The following SDK2 variants were observed in gnomAD, a reference collection of about 807,000 sequenced individuals.
The protein encoded by SDK2 is sidekick cell adhesion molecule 2.
SDK2 carries 105 observed loss-of-function variants against 253.9 expected under a neutral mutation model. The ratio of observed to expected loss-of-function variants is 0.41; its 90% CI spans 0.35 to 0.49. The LOEUF is 0.49. SDK2 is among the 20% of genes least tolerant of loss of function. SDK2 has a pLI of 0.06. For missense variants in SDK2, 2,608 were observed against 3,003.0 expected (o/e 0.87, Z 3.07); for synonymous variants, 1,249 against 1,234.9 (o/e 1.01, Z -0.24).
chr17:73,558,660 C>T (rs2045181978), intron 1 of SDK2, among the ~76,000 whole-genome samples: 1 of 152,152 alleles, frequency 6.6e-6, no homozygotes, highest in African/African-American at 2.4e-5. Context: ...CTTCATTAGA[C>T]AGATGAAGAA....
chr17:73,616,207 G>C lies in SDK2; in HGVS notation c.64+27818C>G, dbSNP rs953921624. Among the ~76,000 whole-genome samples, 1 of 152,112 alleles carries C rather than the reference G, an allele frequency of 6.6e-6. No individual in the cohort carries two copies. Among genetic ancestry groups the C allele is most frequent in the African/African-American group, 2.4e-5 (1 of 41,398 alleles). On this transcript the variant is annotated intron_variant, in intron 1 of 44. Transcript: ENST00000392650. The surrounding 1 kb of genome is among the most constrained non-coding windows in gnomAD (Gnocchi z 5.2). ...CCACTTGCATGCTACCTTGCAAACT[G>C]ACCTCAGGGCACTGTGAACCTTGTG...
chr17:73,354,503 T>G (rs147586487), intron 40 of SDK2, among the ~76,000 whole-genome samples: 3 of 152,276 alleles, frequency 2.0e-5, no homozygotes, highest in East Asian at 1.9e-4. Context: ...GGGGTCAGCC[T>G]GGCCCTGAGA....
At chr17:73,538,010 G>A (rs2044806680) in intron 1 of SDK2, among the ~76,000 whole-genome samples, 1 of 152,142 alleles carries the variant, frequency 6.6e-6, no homozygotes, top group Admixed American at 6.5e-5. Flanking sequence ...AAGGATGGGT[G>A]GTTTTATTTC....
chr17:73,375,310 T>C (rs28718872), intron 36 of SDK2, among the ~76,000 whole-genome samples: 18,401 of 127,226 alleles, frequency 0.14, 2,151 homozygotes, highest in East Asian at 0.32. Flanking sequence ...GGTGCAACAA[T>C]GGCTCACTGC....
intron 1 of SDK2, among the ~76,000 whole-genome samples, chr17:73,584,801 C>A (rs947388615): frequency 6.6e-6 from 1 of 152,224 alleles, no homozygotes; most frequent in Admixed American, 6.5e-5. Context: ...TGCCTGTGTC[C>A]CTGCAGGGTT....
In SDK2 at chr17:73,643,922, C is replaced by T. The variant is rs1026599155; in HGVS notation, c.64+103G>A. The T allele has an allele frequency of 5.8e-6, 6 of 1,029,250 alleles. No individual in the cohort carries two copies. Among genetic ancestry groups the T allele is most frequent in the South Asian group, 1.4e-5 (1 of 69,604 alleles). The allele number at this position is 1,029,250 out of a possible 1,614,324, so 63.8% of individuals were successfully genotyped here. On this transcript the variant is annotated intron_variant, in intron 1 of 44. Coordinates refer to ENST00000392650, the MANE Select transcript of SDK2 (RefSeq NM_001144952.2). The surrounding 1 kb of genome is among the most constrained non-coding windows in gnomAD (Gnocchi z 6.9). ...GGAGAGGGCTCTGCCACGGCTAAGC[C>T]GGGTGTCCAGGAGGTCACCGTGAGG... is the stretch of plus-strand genomic sequence containing the variant.
chr17:73,574,738 A>G (rs1278805782), intron 1 of SDK2, among the ~76,000 whole-genome samples: 1 of 152,156 alleles, frequency 6.6e-6, no homozygotes, highest in Non-Finnish European at 1.5e-5. Context: ...CCACCTCTCT[A>G]GACACTTTCT....
intron 1 of SDK2, among the ~76,000 whole-genome samples, chr17:73,562,767 G>A (rs753470614): frequency 2.0e-5 from 3 of 152,244 alleles, no homozygotes; most frequent in Admixed American, 6.5e-5. Flanking sequence ...CATTCTGTGC[G>A]GAAGGCGCCA....
At chr17:73,469,992 G>GCGCACACACACACACACA (rs1328450219) in intron 3 of SDK2, among the ~76,000 whole-genome samples, 2 of 126,184 alleles carry the variant, frequency 1.6e-5, no homozygotes, top group East Asian at 5.1e-4. Flanking sequence ...GCGCGCGCGC[G>GCGCACACACACACACACA]CACACACACA....
chr17:73,392,561 G>A (rs1002135013), intron 27 of SDK2, among the ~76,000 whole-genome samples: 2 of 152,120 alleles, frequency 1.3e-5, no homozygotes, highest in Admixed American at 6.6e-5. Context: ...GAGCCACCAC[G>A]CCCAGCCTGA....
chr17:73,440,779 G>C (rs770457247), intron 6 of SDK2, 33 bp downstream of exon 6: 1 of 1,453,862 alleles, frequency 6.9e-7, no homozygotes, highest in Non-Finnish European at 9.4e-7. Context: ...CTGGAGTTAC[G>C]GGTGCGGGAG....
At chr17:73,372,633 C>T (rs374942920) in intron 36 of SDK2, among the ~76,000 whole-genome samples, 7 of 152,016 alleles carry the variant, frequency 4.6e-5, no homozygotes, top group East Asian at 3.9e-4. Flanking sequence ...CCCAGCTACT[C>T]GGGAGGCTGA....
chr17:73,610,706 CTGTG>C (rs67066607), intron 1 of SDK2, among the ~76,000 whole-genome samples: 1 of 152,016 alleles, frequency 6.6e-6, no homozygotes, highest in Non-Finnish European at 1.5e-5. Flanking sequence ...TAATGTGTGT[CTGTG>C]TGTGTTAGGT....
intron 1 of SDK2, among the ~76,000 whole-genome samples, chr17:73,602,538 A>G (rs1197146567): frequency 6.9e-6 from 1 of 144,296 alleles, no homozygotes; most frequent in Non-Finnish European, 1.5e-5. Context: ...TTTTTTTTTT[A>G]ATGAAGTTCC....
chr17:73,433,639 G>A (rs1456477939), intron 10 of SDK2, 93 bp downstream of exon 10: 2 of 936,694 alleles, frequency 2.1e-6, no homozygotes, highest in Non-Finnish European at 3.4e-6. Flanking sequence ...AAGTGTACGT[G>A]GGGAACCCAA....
chr17:73,516,045 C>G (rs1260179733), intron 1 of SDK2, among the ~76,000 whole-genome samples: 5 of 152,098 alleles, frequency 3.3e-5, no homozygotes, highest in Non-Finnish European at 7.4e-5. Flanking sequence ...CCACCTGTTT[C>G]CCGCTTCTCA....
At chr17:73,422,078 G>A (rs759141451) in intron 15 of SDK2, among the ~76,000 whole-genome samples, 5 of 152,144 alleles carry the variant, frequency 3.3e-5, no homozygotes, top group Non-Finnish European at 5.9e-5. Context: ...GGTGCTCACC[G>A]CGTTCCCCAG....
At position 73,435,854 on chromosome 17, in the gene SDK2, G is replaced by A. The variant is rs2063364281; in HGVS notation, c.1001-210C>T. On this transcript the variant is annotated intron_variant, in intron 8 of 44. Transcript: ENST00000392650. The surrounding 1 kb of genome is among the most constrained non-coding windows in gnomAD (Gnocchi z 5.7). Reference sequence around the variant, plus strand: ...TAATTCTCAAAGTCTTTGGGACAGAGTAAAGATCCGGGAATCAGTTTAGCA... The same window carrying A: ...TAATTCTCAAAGTCTTTGGGACAGAATAAAGATCCGGGAATCAGTTTAGCA... Among the ~76,000 whole-genome samples, 1 of 152,316 alleles carries A rather than the reference G, an allele frequency of 6.6e-6. No individual in the cohort carries two copies. The highest frequency in any genetic ancestry group is 2.1e-4 in the South Asian group (1 of 4,830).
chr17:73,492,871 A>G (rs2145731505), intron 2 of SDK2, among the ~76,000 whole-genome samples: 1 of 152,278 alleles, frequency 6.6e-6, no homozygotes, highest in South Asian at 2.1e-4. Context: ...AGCAGGGGTC[A>G]TTACCAACTC....
Sources: gnomAD v4.1 joint callset for allele counts (sites outside exome capture counted in the v4.1 genomes callset) on GRCh38, gnomAD v4.1.1 for gene constraint, Gnocchi (gnomAD v3.1) non-coding constraint, MANE v1.5 for transcripts, NCBI Gene and HGNC (gene_info 2026-07-23, HGNC 2026-07-21) for gene names.